PPP1R21: variants seen among roughly 807,000 people sequenced by gnomAD.
PPP1R21 encodes the protein protein phosphatase 1 regulatory subunit 21.
In PPP1R21, 85 loss-of-function variants were observed where a neutral mutation model predicts 112.8. The ratio of observed to expected loss-of-function variants is 0.75; its 90% CI spans 0.63 to 0.90. PPP1R21 has a LOEUF of 0.90. Among genes scored for constraint, PPP1R21 ranks in the 40% least tolerant of loss-of-function variants. PPP1R21 has a pLI of 0.00. For synonymous variants in PPP1R21, 381 were observed against 322.3 expected, an observed-to-expected ratio of 1.18 and a Z score of -1.95; for missense variants, 1,199 against 901.5, an observed-to-expected ratio of 1.33 and a Z score of -4.23.
rs551219333 is a variant in PPP1R21 at position 48,453,220 on chromosome 2, C to T, written c.127-1375C>T. On this transcript the variant is annotated intron_variant, in intron 2 of 21. Coordinates refer to ENST00000294952, the MANE Select transcript of PPP1R21 (RefSeq NM_001135629.3). ...CCGCCCTCTTTAGCCTCCCAAAGTG[C>T]TGGGATTATAGGCGTGAGCCACTGC... Among the ~76,000 whole-genome samples, 6 of 152,302 alleles carry T rather than the reference C, an allele frequency of 3.9e-5. No homozygotes were observed. The East Asian group carries it at 1.2e-3, about 29-fold the overall frequency.
intron 1 of PPP1R21, among the ~76,000 whole-genome samples, chr2:48,449,958 T>C (rs1572828259): frequency 1.3e-5 from 2 of 152,324 alleles, no homozygotes; most frequent in African/African-American, 4.8e-5. Flanking sequence ...TTTCCTCTTA[T>C]TACAGAAGTA....
intron 1 of PPP1R21, among the ~76,000 whole-genome samples, chr2:48,443,736 T>A (rs1405764021): frequency 6.6e-6 from 1 of 152,234 alleles, no homozygotes; most frequent in Non-Finnish European, 1.5e-5. Context: ...AGCAGGCAAT[T>A]TCTAGATAAG....
At chr2:48,465,036 G>A (rs758944211) in intron 8 of PPP1R21, 47 bp downstream of exon 8, 1 of 1,433,786 alleles carries the variant, frequency 7.0e-7, no homozygotes, top group African/African-American at 1.5e-5. Flanking sequence ...ATATACATCA[G>A]ACTTTCCAGA....
At chr2:48,505,366 T>C (rs1253224554) in intron 17 of PPP1R21, among the ~76,000 whole-genome samples, 198 bp from the exon 18 acceptor site, 1 of 152,244 alleles carries the variant, frequency 6.6e-6, no homozygotes, top group Non-Finnish European at 1.5e-5. Context: ...CATTATTGGT[T>C]ACTGCCTCAT....
At position 48,447,806 on chromosome 2, in the gene PPP1R21, C is replaced by T. The variant is rs139242631; in HGVS notation, c.58-3202C>T. Among the ~76,000 whole-genome samples, 314 of 152,072 alleles carry T rather than the reference C, an allele frequency of 2.1e-3. 1 individual carries two copies. Among genetic ancestry groups the T allele is most frequent in the Middle Eastern group, 0.014 (4 of 294 alleles). ...TCTACTAAAAATACAAAAAATTAGCCGGGCGTGGTGGCACGTGCCTATAAT... is the reference window on the plus strand; with the variant it reads ...TCTACTAAAAATACAAAAAATTAGCTGGGCGTGGTGGCACGTGCCTATAAT... On this transcript the variant is annotated intron_variant, in intron 1 of 21. Coordinates refer to ENST00000294952, the MANE Select transcript of PPP1R21 (RefSeq NM_001135629.3).
Position 48,440,911 on chromosome 2 carries a change from T to A in PPP1R21, c.-43T>A. The A allele has an allele frequency of 7.6e-7, 1 of 1,320,316 alleles. No individual in the cohort carries two copies. The highest frequency in any genetic ancestry group is 1.0e-6 in the Non-Finnish European group (1 of 954,412). The allele number at this position is 1,320,316 out of a possible 1,614,324, so 81.8% of individuals were successfully genotyped here. On this transcript the variant is annotated 5_prime_UTR_variant, in exon 1 of 22. Coordinates refer to ENST00000294952, the MANE Select transcript of PPP1R21 (RefSeq NM_001135629.3). The stretch of plus-strand genomic sequence containing the variant: ...CTGGGTTTGGGGGCGGGAGACAGGC[T>A]GAGCCGCCTGGGCGGCCTGGCCTGT...
At chr2:48,464,073 G>A (rs1017434774) in intron 7 of PPP1R21, among the ~76,000 whole-genome samples, 1 of 152,132 alleles carries the variant, frequency 6.6e-6, no homozygotes, top group African/African-American at 2.4e-5. Context: ...GACTTTACTC[G>A]GGATTCGTGT....
At position 48,460,203 on chromosome 2, in the gene PPP1R21, A is replaced by G. The variant is rs200913125; in HGVS notation, c.599+50A>G. 34 of 1,585,568 alleles carry G rather than the reference A, an allele frequency of 2.1e-5. No homozygotes were observed. In the African/African-American group the frequency reaches 2.2e-4, roughly 10 times the overall value. ...AGGGTTCTGAAGCAAGACTCAGAAG[A>G]CATGGGTTTTGGTTGTAGCAGCTCC... On this transcript the variant is annotated intron_variant, in intron 6 of 21. Transcript: ENST00000294952.
At chr2:48,491,286 A>T in intron 15 of PPP1R21, 116 bp downstream of exon 15, 3 of 1,162,122 alleles carry the variant, frequency 2.6e-6, no homozygotes, top group Non-Finnish European at 2.4e-6. Context: ...ATTGGGGTAC[A>T]GGTTGTTGGT....
At chr2:48,480,875 G>A (rs1668980894) in intron 13 of PPP1R21, among the ~76,000 whole-genome samples, 1 of 152,136 alleles carries the variant, frequency 6.6e-6, no homozygotes, top group Admixed American at 6.5e-5. Flanking sequence ...ATATATTGGG[G>A]GACCTAATCT....
rs1408170787 is a variant in PPP1R21 at position 48,441,009 on chromosome 2, A to C, written c.56A>C (p.Lys19Thr). 1 of 1,606,498 alleles carries C rather than the reference A, an allele frequency of 6.2e-7. No individual in the cohort carries two copies. Among genetic ancestry groups the C allele is most frequent in the Non-Finnish European group, 8.5e-7 (1 of 1,173,920 alleles). ...CAGAAGCTGGCTCAGGAGTACTCGA[A>C]GGTACCCATCGTGGTCTGGGAGTAG... ...KYQKLAQEYSKLRAQNQVLKK... is the reference protein window; with the variant it reads ...KYQKLAQEYSTLRAQNQVLKK... The change falls in exon 1 of 22, where the codon AAG becomes ACG. Residue 19 changes from lysine to threonine, a missense_variant and splice_region_variant. Transcript: ENST00000294952.
At position 48,454,704 on chromosome 2, in the gene PPP1R21, A is replaced by G. The variant is rs769991344; in HGVS notation, c.236A>G (p.Glu79Gly). The change falls in exon 3 of 22, where the codon GAA becomes GGA. Residue 79 changes from glutamate to glycine, a missense_variant. Physicochemically the swap from Glu to Gly is moderately conservative, Grantham distance 98 (BLOSUM62 -2). Transcript: ENST00000294952. Reference sequence around the variant, plus strand: ...AAGAGGGTAGAACTACTTCAAGATGAACTAGCTCTAAGTGAACCACGAGGC... The same window carrying G: ...AAGAGGGTAGAACTACTTCAAGATGGACTAGCTCTAAGTGAACCACGAGGC... Reference protein sequence around the residue: ...LAKRVELLQDELALSEPRGKK... With the variant: ...LAKRVELLQDGLALSEPRGKK... The G allele has an allele frequency of 6.2e-7, 1 of 1,614,166 alleles. No homozygotes were observed. Among genetic ancestry groups the G allele is most frequent in the Non-Finnish European group, 8.5e-7 (1 of 1,179,984 alleles).
At chr2:48,458,084 A>G (rs541210854) in intron 3 of PPP1R21, 42 bp from the exon 4 acceptor site, 4 of 1,328,720 alleles carry the variant, frequency 3.0e-6, no homozygotes, top group Admixed American at 3.4e-5. Flanking sequence ...TGTTTCTCTA[A>G]AGGATGAAAG....
chr2:48,496,701 C>T (rs774287442), intron 16 of PPP1R21, among the ~76,000 whole-genome samples: 3 of 152,290 alleles, frequency 2.0e-5, no homozygotes, highest in African/African-American at 2.4e-5. Context: ...CTCCTGACCT[C>T]AAGTGATCCC....
intron 4 of PPP1R21, 108 bp from the exon 5 acceptor site, chr2:48,459,646 G>A: frequency 1.7e-6 from 2 of 1,198,912 alleles, no homozygotes; most frequent in Non-Finnish European, 2.3e-6. Context: ...AACATAGTCA[G>A]CATATGGAAC....
intron 1 of PPP1R21, chr2:48,441,249 C>T (rs757524092): frequency 1.6e-5 from 9 of 574,946 alleles, no homozygotes; most frequent in Non-Finnish European, 2.8e-5. Context: ...TTTGATTCTT[C>T]CTTTTCACTG....
chr2:48,458,821 A>G (rs1055711976), intron 4 of PPP1R21, among the ~76,000 whole-genome samples: 8 of 152,152 alleles, frequency 5.3e-5, no homozygotes, highest in Non-Finnish European at 2.9e-5. Context: ...GGCTGGGCGC[A>G]GTGTCTCATG....
chr2:48,511,559 A>G (rs1337569109), intron 21 of PPP1R21, 91 bp downstream of exon 21: 1 of 1,488,446 alleles, frequency 6.7e-7, no homozygotes. Flanking sequence ...AAGAGGACAT[A>G]AGATTTAAAG....
intron 11 of PPP1R21, among the ~76,000 whole-genome samples, chr2:48,472,304 ATAT>A (rs1668553202): frequency 6.6e-6 from 1 of 150,670 alleles, no homozygotes; most frequent in African/African-American, 2.4e-5. Flanking sequence ...GAGAGAAATA[ATAT>A]TTTACAGTAA....
Sources: gnomAD v4.1 joint callset for allele counts (sites outside exome capture counted in the v4.1 genomes callset) on GRCh38, gnomAD v4.1.1 for gene constraint, MANE v1.5 for transcripts, NCBI Gene and HGNC (gene_info 2026-07-23, HGNC 2026-07-21) for gene names.